Variants in PHLPP2 observed in about 807,000 individuals in gnomAD.
PHLPP2 encodes the protein PH domain and leucine rich repeat protein phosphatase 2, also known as PH domain leucine-rich repeat-containing protein phosphatase 2.
PHLPP2 carries 66 observed loss-of-function variants against 124.9 expected under a neutral mutation model. The ratio of observed to expected loss-of-function variants is 0.53; its 90% confidence interval spans 0.43 to 0.65. The LOEUF (loss-of-function observed/expected upper bound fraction) is 0.65. PHLPP2 is among the 30% of genes least tolerant of loss of function. The pLI, the probability that PHLPP2 is intolerant of heterozygous loss-of-function variation, is 0.00. For missense variants in PHLPP2, 1,685 were observed against 1,600.4 expected (o/e 1.05, Z -0.90); for synonymous variants, 681 against 624.7 (o/e 1.09, Z -1.34).
At chr16:71,722,334 T>C (rs1010705445) in intron 1 of PHLPP2, among the ~76,000 whole-genome samples, 4 of 152,120 alleles carry the variant, frequency 2.6e-5, no homozygotes, top group Non-Finnish European at 5.9e-5. Flanking sequence ...CTCAAGAGGC[T>C]GAGGCAGGAG....
In PHLPP2 at chr16:71,649,371, T is replaced by G; in HGVS notation, c.3491A>C (p.Lys1164Thr). Reference sequence around the variant, plus strand: ...GTGGATGTCTACTTCCACCTCTACCTTGCTGCCATTGGTTATGACCCCCTC... The same window carrying G: ...GTGGATGTCTACTTCCACCTCTACCGTGCTGCCATTGGTTATGACCCCCTC... ...PVEGVITNGS[K>T]VEVEVDIHCC... is the part of the protein sequence containing the mutation. The change falls in exon 19 of 19, where the codon AAG becomes ACG. Residue 1164 changes from lysine (K) to threonine (T), a missense_variant. Lys to Thr is a moderately conservative substitution (Grantham distance 78). Coordinates refer to ENST00000568954, the MANE Select transcript of PHLPP2 (RefSeq NM_015020.3). 6.2e-7 allele frequency: 1 copy of G among 1,613,924 alleles called. No homozygotes were observed. Among genetic ancestry groups the G allele is most frequent in the Non-Finnish European group, 8.5e-7 (1 of 1,179,836 alleles).
In PHLPP2 at chr16:71,690,675, G is replaced by A. The variant is rs1364155111; in HGVS notation, c.453C>T (p.Ile151=). The change falls in exon 4 of 19, where the codon ATC becomes ATT. Residue 151 remains isoleucine (I), a synonymous_variant. Transcript: ENST00000568954. ...KPCHMDRLDR[I]LLSGIYNVRK... ...GTACATTATAGATGCCAGACAATAG[G>A]ATTCGATCCAAACGATCCATGTGGC... is the stretch of plus-strand genomic sequence containing the variant. 2 of 1,613,444 alleles carry A rather than the reference G, an allele frequency of 1.2e-6. No individual in the cohort carries two copies. The highest frequency in any genetic ancestry group is 1.1e-5 in the South Asian group (1 of 90,878).
intron 5 of PHLPP2, among the ~76,000 whole-genome samples, chr16:71,683,731 T>C (rs1324050031): frequency 6.6e-6 from 1 of 152,236 alleles, no homozygotes; most frequent in Non-Finnish European, 1.5e-5. Flanking sequence ...AGAAAAGGCC[T>C]AGAAAGGAAA....
chr16:71,722,202 C>G (rs180703504), intron 1 of PHLPP2, among the ~76,000 whole-genome samples: 134 of 152,190 alleles, frequency 8.8e-4, no homozygotes, highest in African/African-American at 2.9e-3. Flanking sequence ...GAGGCCAAGG[C>G]GGGCGGATCA....
At position 71,648,816 on chromosome 16, in the gene PHLPP2, G is replaced by C. The variant is rs1183052242; in HGVS notation, c.*74C>G. The C allele has an allele frequency of 2.0e-6, 2 of 1,005,772 alleles. No homozygotes were observed. The highest frequency in any genetic ancestry group is 3.0e-6 in the Non-Finnish European group (2 of 667,920). The allele number at this position is 1,005,772 out of a possible 1,614,324, so 62.3% of individuals were successfully genotyped here. On this transcript the variant is annotated 3_prime_UTR_variant, in exon 19 of 19. Transcript: ENST00000568954. ...AAACGAACAAACAAAAAGAAATGTA[G>C]AGGCAGAATGCCTCTAGCAAGTCCC... is the stretch of plus-strand genomic sequence containing the variant.
chr16:71,659,750 T>C (rs1173042966), intron 13 of PHLPP2, among the ~76,000 whole-genome samples: 1 of 152,198 alleles, frequency 6.6e-6, no homozygotes, highest in East Asian at 1.9e-4. Context: ...CACCTTCAGG[T>C]TATTACAAAT....
intron 5 of PHLPP2, among the ~76,000 whole-genome samples, chr16:71,682,945 C>T (rs538919162): frequency 4.6e-5 from 7 of 152,186 alleles, no homozygotes; most frequent in Admixed American, 2.0e-4. Context: ...CCAAGGCGGG[C>T]GGATCACCTG....
rs1054135823 is a variant in PHLPP2, at chr16:71,711,280, G to A, written c.284+3232C>T. Among the ~76,000 whole-genome samples, 6 of 151,180 alleles carry A rather than the reference G, an allele frequency of 4.0e-5. No homozygotes were observed. The East Asian group carries it at 5.8e-4, about 15-fold the overall frequency. On this transcript the variant is annotated intron_variant, in intron 2 of 18. Coordinates refer to ENST00000568954, the MANE Select transcript of PHLPP2 (RefSeq NM_015020.3). ...CAGGAGGCAGAGGTTGCAGTGAGCC[G>A]AGATCGCACCACTGCACTCCAGCCT... is the stretch of plus-strand genomic sequence containing the variant.
chr16:71,660,987 T>C (rs758896502), intron 13 of PHLPP2, among the ~76,000 whole-genome samples: 10 of 152,160 alleles, frequency 6.6e-5, no homozygotes, highest in African/African-American at 1.2e-4. Context: ...TTTAAAAATA[T>C]GTTGTTCCTG....
At chr16:71,658,448 C>A in intron 14 of PHLPP2, 85 bp from the exon 15 acceptor site, 1 of 1,311,482 alleles carries the variant, frequency 7.6e-7, no homozygotes, top group South Asian at 1.4e-5. Flanking sequence ...TTACTATATC[C>A]CCAAAGAGGA....
intron 13 of PHLPP2, among the ~76,000 whole-genome samples, chr16:71,659,827 G>C (rs1389447679): frequency 1.3e-5 from 2 of 152,116 alleles, no homozygotes; most frequent in Non-Finnish European, 1.5e-5. Flanking sequence ...TTAACATGGA[G>C]AGAAAGTGAA....
rs1237244311 is a variant in PHLPP2 at position 71,648,992 on chromosome 16, T to C, written c.3870A>G (p.Glu1290=). The change falls in exon 19 of 19, where the codon GAA becomes GAG. Residue 1290 remains glutamate (E), a synonymous_variant. Transcript: ENST00000568954. ...QFVVPHDLEE[E]VKEQMKQHQD... ...GGTGCTGTTTCATTTGTTCCTTCAC[T>C]TCTTCTTCCAGGTCATGAGGCACAA... 6.2e-7 allele frequency: 1 copy of C among 1,613,864 alleles called. No homozygotes were observed. The highest frequency in any genetic ancestry group is 8.5e-7 in the Non-Finnish European group (1 of 1,179,966).
At chr16:71,669,818 G>C (rs1288653107) in intron 10 of PHLPP2, among the ~76,000 whole-genome samples, 1 of 152,168 alleles carries the variant, frequency 6.6e-6, no homozygotes, top group Non-Finnish European at 1.5e-5. Flanking sequence ...GATAACTAGT[G>C]GGGGAAAAGT....
chr16:71,696,756 C>T (rs886896611), intron 3 of PHLPP2, among the ~76,000 whole-genome samples: 1 of 152,134 alleles, frequency 6.6e-6, no homozygotes, highest in Non-Finnish European at 1.5e-5. Flanking sequence ...TATATTTTTG[C>T]CACTTTCGTA....
At chr16:71,700,650 C>T (rs1253744782) in intron 3 of PHLPP2, among the ~76,000 whole-genome samples, 1 of 151,512 alleles carries the variant, frequency 6.6e-6, no homozygotes, top group African/African-American at 2.4e-5. Context: ...CTCAGCCTTC[C>T]CAGTAGCTGG....
chr16:71,691,681 T>C (rs1404410642), intron 3 of PHLPP2, among the ~76,000 whole-genome samples: 1 of 152,056 alleles, frequency 6.6e-6, no homozygotes, highest in Non-Finnish European at 1.5e-5. Context: ...GAAAAGCTTA[T>C]GGGTGGTACT....
rs539298017 is a variant in PHLPP2 at position 71,664,213 on chromosome 16, GAAAA to G, written c.1785-118_1785-115del. 2.2e-5 allele frequency: 13 copies of G among 590,390 alleles called. No individual in the cohort carries two copies. In the South Asian group the frequency reaches 2.6e-4, roughly 12 times the overall value. 36.6% of individuals were successfully genotyped at this position (590,390 alleles called of 1,614,324 possible). ...GCTGCCATTCTAAGCTTCCAAATGG[GAAAA>G]AAAAAAAAATCTCCACGTAGTTTTT... On this transcript the variant is annotated intron_variant, in intron 12 of 18. Transcript: ENST00000568954.
At chr16:71,684,952 C>T (rs2045039784) in intron 4 of PHLPP2, among the ~76,000 whole-genome samples, 1 of 152,304 alleles carries the variant, frequency 6.6e-6, no homozygotes, top group East Asian at 1.9e-4. Flanking sequence ...AATCTCTTTA[C>T]TAGGCTTGAG....
At chr16:71,704,175 G>C (rs922317509) in intron 2 of PHLPP2, among the ~76,000 whole-genome samples, 2 of 151,968 alleles carry the variant, frequency 1.3e-5, no homozygotes, top group African/African-American at 4.8e-5. Context: ...GCCAGGCATG[G>C]TGGCGGGCAC....
Sources: allele counts gnomAD v4.1 joint callset (sites outside exome capture counted in the v4.1 genomes callset), GRCh38; gene constraint gnomAD v4.1.1; transcripts MANE v1.5; gene names NCBI Gene and HGNC (gene_info 2026-07-23, HGNC 2026-07-21).